Variants in MKI67 observed in about 807,000 individuals in gnomAD.
MKI67 encodes proliferation marker protein Ki-67.
Under a neutral mutation model 233.5 loss-of-function variants are expected in MKI67, and 152 were observed. That is an observed-to-expected ratio of 0.65 (90% CI 0.57 to 0.74). The LOEUF (loss-of-function observed/expected upper bound fraction) is 0.74. Among genes scored for constraint, MKI67 ranks in the 30% least tolerant of loss-of-function variants. The probability of loss-of-function intolerance (pLI) is 0.00; values close to 1 mark genes in which losing one functional copy is unlikely to be tolerated. For synonymous variants in MKI67, 1,465 were observed against 1,418.5 expected (o/e 1.03, Z -0.74); for missense variants, 3,940 against 3,885.2 (o/e 1.01, Z -0.37).
In MKI67 at chr10:128,115,143, G is replaced by A. The variant is rs1314926641; in HGVS notation, c.1265C>T (p.Thr422Ile). The part of the protein sequence containing the change: ...ATKPENLSSK[T>I]RGSIPTDVEV... ...CACATCTGTAGGAATACTTCCTCTG[G>A]TTTTGGAAGAGAGATTTTCTGGCTT... Residue 422 changes from threonine (T) to isoleucine (I), a missense_variant, in exon 7 of 15, where the codon ACC (threonine) becomes ATC (isoleucine). Coordinates refer to ENST00000368654, the MANE Select transcript of MKI67 (RefSeq NM_002417.5). 6.2e-6 allele frequency: 10 copies of A among 1,614,204 alleles called. No individual in the cohort carries two copies. The highest frequency in any genetic ancestry group is 8.5e-6 in the Non-Finnish European group (10 of 1,180,046).
chr10:128,119,309 C>G lies in MKI67; in HGVS notation c.298G>C (p.Glu100Gln). ...IIDRSFRYEN[E>Q]SLQNGRKSTE... Reference sequence around the variant, plus strand: ...GACTTCCTTCCATTCTGAAGACTTTCATTTTCATACCTGCAGTTTATAGAA... The same window carrying G: ...GACTTCCTTCCATTCTGAAGACTTTGATTTTCATACCTGCAGTTTATAGAA... The change falls in exon 5 of 15, where the codon GAA (glutamate) becomes CAA (glutamine). Residue 100 changes from glutamate to glutamine, a missense_variant. Glu to Gln is a conservative substitution (Grantham distance 29). Transcript: ENST00000368654. The G allele has an allele frequency of 6.2e-7, 1 of 1,602,750 alleles. No individual in the cohort carries two copies. The highest frequency in any genetic ancestry group is 8.5e-7 in the Non-Finnish European group (1 of 1,170,112).
Position 128,107,568 on chromosome 10 carries a change from T to C in MKI67, c.4272A>G (p.Pro1424=), listed in dbSNP as rs761349189. 1 of 1,614,146 alleles carries C rather than the reference T, an allele frequency of 6.2e-7. No homozygotes were observed. The highest frequency in any genetic ancestry group is 8.5e-7 in the Non-Finnish European group (1 of 1,180,026). ...CGTTGATGCTTTTATCCTCACCTCC[T>C]GGTACTTTATCTGTGTGTGTGGTTT... ...SGETTHTDKV[P]GGEDKSINAF... is the part of the protein sequence containing the mutation. Residue 1424 remains proline (P), a synonymous_variant, in exon 13 of 15, where the codon CCA becomes CCG. Coordinates refer to ENST00000368654, the MANE Select transcript of MKI67 (RefSeq NM_002417.5).
Position 128,102,718 on chromosome 10 carries a change from G to T in MKI67, c.9122C>A (p.Ser3041Ter). Residue 3041 changes from serine (S) to a stop codon, truncating the protein, a stop_gained, in exon 13 of 15, where the codon TCA becomes TAA. Coordinates refer to ENST00000368654, the MANE Select transcript of MKI67 (RefSeq NM_002417.5). LOFTEE classifies it high-confidence loss of function. ...CTTCATGATGACCACGGGTTCGGAT[G>T]ATTTGCCTCTTGCCCTGGGAGCAAC... ...QRVAPRARGK[S>*]SEPVVIMKRS... is the part of the protein sequence containing the mutation. 6.2e-7 allele frequency: 1 copy of T among 1,614,186 alleles called. No individual in the cohort carries two copies. The highest frequency in any genetic ancestry group is 8.5e-7 in the Non-Finnish European group (1 of 1,180,030).
At chr10:128,119,891 C>G (rs867465106) in intron 4 of MKI67, among the ~76,000 whole-genome samples, 2 of 152,166 alleles carry the variant, frequency 1.3e-5, no homozygotes, top group African/African-American at 4.8e-5. Flanking sequence ...TCACCTTTAG[C>G]AAGATACATA....
rs775105657 is a variant in MKI67 at position 128,125,551 on chromosome 10, G to A, written c.92+25C>T. 5.0e-6 allele frequency: 8 copies of A among 1,597,646 alleles called. No individual in the cohort carries two copies. In the East Asian group the frequency reaches 6.7e-5, roughly 13 times the overall value. ...TATTTTCCTCTTTCTCAGCTAAAACGTCCGCGCGCGCCCGCGGGGCTCACC... is the reference window on the plus strand; with the variant it reads ...TATTTTCCTCTTTCTCAGCTAAAACATCCGCGCGCGCCCGCGGGGCTCACC... On this transcript the variant is annotated intron_variant, in intron 2 of 14. Coordinates refer to ENST00000368654, the MANE Select transcript of MKI67 (RefSeq NM_002417.5). This position sits in a 1 kb window ranked among gnomAD's most constrained non-coding sequence, Gnocchi z 5.3.
intron 11 of MKI67, 168 bp downstream of exon 11, chr10:128,111,477 G>C: frequency 1.6e-6 from 1 of 632,576 alleles, no homozygotes; most frequent in Non-Finnish European, 2.6e-6. Flanking sequence ...GTCTTTGCAA[G>C]CCAAAACAGC....
intron 4 of MKI67, among the ~76,000 whole-genome samples, chr10:128,121,317 AGTGT>A (rs1243051054): frequency 1.4e-5 from 2 of 147,760 alleles, no homozygotes; most frequent in East Asian, 1.9e-4. Flanking sequence ...ATCTAACGGG[AGTGT>A]GTGTATCTGT....
Position 128,123,840 on chromosome 10 carries a change from A to T in MKI67, c.93-671T>A, listed in dbSNP as rs114026729. On this transcript the variant is annotated intron_variant, in intron 2 of 14. Transcript: ENST00000368654. Reference sequence around the variant, plus strand: ...AAATCTAAATTCAACTTGTTTTTCCACAGAAAGCTAACACCATGGCAAAGT... The same window carrying T: ...AAATCTAAATTCAACTTGTTTTTCCTCAGAAAGCTAACACCATGGCAAAGT... Among the ~76,000 whole-genome samples, 462 of 152,340 alleles carry T rather than the reference A, an allele frequency of 3.0e-3. 5 individuals carry two copies. Among genetic ancestry groups the T allele is most frequent in the African/African-American group, 0.01 (432 of 41,582 alleles).
At chr10:128,123,228 A>G (rs1406200953) in intron 2 of MKI67, 59 bp from the exon 3 acceptor site, 8 of 1,153,578 alleles carry the variant, frequency 6.9e-6, no homozygotes, top group Non-Finnish European at 9.2e-6. Context: ...GATTACCTCA[A>G]TTTCCCAAAA....
rs771213203 is a variant in MKI67, at chr10:128,102,944, G to A, written c.8896C>T (p.Pro2966Ser). The stretch of plus-strand genomic sequence containing the variant: ...ACGTCTCCCACGGGTTCTACTTTAG[G>A]GGCCCGAAGAACTCTTCTGGATATT... The part of the protein sequence containing the change: ...LKISRRVLRA[P>S]KVEPVGDVVS... Residue 2966 changes from proline to serine, a missense_variant, in exon 13 of 15, where the codon CCT becomes TCT. Pro to Ser is a moderately conservative substitution (Grantham distance 74, BLOSUM62 -1). Transcript: ENST00000368654. The A allele has an allele frequency of 8.1e-6, 13 of 1,614,088 alleles. No homozygotes were observed. Among genetic ancestry groups the A allele is most frequent in the Non-Finnish European group, 1.0e-5 (12 of 1,180,048 alleles).
intron 7 of MKI67, among the ~76,000 whole-genome samples, chr10:128,113,959 G>A (rs756565987): frequency 1.3e-5 from 2 of 152,148 alleles, no homozygotes; most frequent in Non-Finnish European, 2.9e-5. Context: ...GTCTCAGCCT[G>A]AGCCACCCAG....
intron 4 of MKI67, among the ~76,000 whole-genome samples, chr10:128,120,664 T>C (rs1852916725): frequency 6.6e-6 from 1 of 152,072 alleles, no homozygotes; most frequent in African/African-American, 2.4e-5. Context: ...CTAATACAAA[T>C]GAAGACAATA....
In MKI67 at chr10:128,106,435, G is replaced by T. The variant is rs760694353; in HGVS notation, c.5405C>A (p.Pro1802Gln). The change falls in exon 13 of 15, where the codon CCA (proline) becomes CAA (glutamine). Residue 1802 changes from proline (P) to glutamine (Q), a missense_variant. Pro to Gln is a moderately conservative substitution (Grantham distance 76, BLOSUM62 -1). Coordinates refer to ENST00000368654, the MANE Select transcript of MKI67 (RefSeq NM_002417.5). ...TCCTGGCTGGTCCAGTTTCTGCACT[G>T]GAGTTCCCAAAAACGTGTTGATGTC... ...EKDINTFLGTPVQKLDQPGNL... is the reference protein window; with the variant it reads ...EKDINTFLGTQVQKLDQPGNL... 1.9e-6 allele frequency: 3 copies of T among 1,613,122 alleles called. No individual in the cohort carries two copies. In the East Asian group the frequency reaches 6.7e-5, roughly 36 times the overall value.
In MKI67 at chr10:128,107,510, G is replaced by A. The variant is rs150235556; in HGVS notation, c.4330C>T (p.Pro1444Ser). Reference protein sequence around the residue: ...FRETAKQKLDPAASVTGSKRH... With the variant: ...FRETAKQKLDSAASVTGSKRH... ...TTGCTACCAGTTACACTTGCTGCTG[G>A]GTCCAGTTTCTGTTTTGCAGTTTCC... Residue 1444 changes from proline (P) to serine (S), a missense_variant, in exon 13 of 15, where the codon CCA becomes TCA. Coordinates refer to ENST00000368654, the MANE Select transcript of MKI67 (RefSeq NM_002417.5). 6,362 of 1,614,002 alleles carry A rather than the reference G, an allele frequency of 3.9e-3. 80 individuals are homozygous for A. Among genetic ancestry groups the A allele is most frequent in the South Asian group, 0.025 (2,268 of 91,080 alleles).
In MKI67 at chr10:128,117,942, C is replaced by A. The variant is rs115333677; in HGVS notation, c.354+1311G>T. 4.1e-3 allele frequency among the ~76,000 whole-genome samples: 627 copies of A among 152,312 alleles called. 6 individuals carry two copies. The highest frequency in any genetic ancestry group is 0.014 in the African/African-American group (597 of 41,560). ...GACTGCTGAGTGGCACATATCTAAC[C>A]CACAGTTCAACTGGCTTTTTGGTTT... On this transcript the variant is annotated intron_variant, in intron 5 of 14. Coordinates refer to ENST00000368654, the MANE Select transcript of MKI67 (RefSeq NM_002417.5).
At position 128,101,489 on chromosome 10, in the gene MKI67, A is replaced by G. The variant is rs1852332733; in HGVS notation, c.9474T>C (p.Ser3158=). 4.3e-6 allele frequency: 7 copies of G among 1,614,198 alleles called. No homozygotes were observed. Among genetic ancestry groups the G allele is most frequent in the Non-Finnish European group, 5.1e-6 (6 of 1,180,032 alleles). ...KVTENKRCLR[S]ARQNESSQPK... The stretch of plus-strand genomic sequence containing the variant: ...GCTGGGAGCTCTCATTCTGTCTAGC[A>G]GACCTCAAGCACCTTTTGTTCTCAG... Residue 3158 remains serine (S), a synonymous_variant, in exon 14 of 15, where the codon TCT becomes TCC. Transcript: ENST00000368654.
chr10:128,108,537 G>T lies in MKI67; in HGVS notation c.3303C>A (p.Asp1101Glu), dbSNP rs535219698. The change falls in exon 13 of 15, where the codon GAC becomes GAA. Residue 1101 changes from aspartate to glutamate, a missense_variant. Transcript: ENST00000368654. ...TPKEEAQSLE[D>E]LAGFKELFQT... is the part of the protein sequence containing the mutation. Reference sequence around the variant, plus strand: ...GGAAGAGCTCTTTGAAGCCAGCCAGGTCTTCTAGTGACTGGGCCTCTTCCT... The same window carrying T: ...GGAAGAGCTCTTTGAAGCCAGCCAGTTCTTCTAGTGACTGGGCCTCTTCCT... 6.2e-7 allele frequency: 1 copy of T among 1,614,196 alleles called. No individual in the cohort carries two copies. The highest frequency in any genetic ancestry group is 1.3e-5 in the African/African-American group (1 of 75,034).
rs1338486981 is a variant in MKI67 at position 128,110,515 on chromosome 10, T to C, written c.2279A>G (p.Lys760Arg). Residue 760 changes from lysine to arginine, a missense_variant, in exon 12 of 15, where the codon AAG (lysine) becomes AGG (arginine). Lys to Arg is a conservative substitution (Grantham distance 26). Transcript: ENST00000368654. The part of the protein sequence containing the change: ...EDLSGIAEMF[K>R]TPVKEQPQLT... ...CTGCGGTTGCTCCTTCACTGGGGTC[T>C]TGAACATTTCAGCTATTCCTGTTAA... The C allele has an allele frequency of 6.4e-7, 1 of 1,553,380 alleles. No homozygotes were observed. The highest frequency in any genetic ancestry group is 1.7e-5 in the Admixed American group (1 of 58,352).
rs558574754 is a variant in MKI67 at position 128,121,266 on chromosome 10, GAAT to G, written c.287+1612_287+1614del. On this transcript the variant is annotated intron_variant, in intron 4 of 14. Transcript: ENST00000368654. Reference sequence around the variant, plus strand: ...GTAGGTGATTTGAACATATCTCTTAGAATAATAGTAGGGGAAAATTTACTAAGA... The same window carrying G: ...GTAGGTGATTTGAACATATCTCTTAGAATAGTAGGGGAAAATTTACTAAGA... Among the ~76,000 whole-genome samples, 23 of 150,188 alleles carry G rather than the reference GAAT, an allele frequency of 1.5e-4. No individual in the cohort carries two copies. In the East Asian group the frequency reaches 3.9e-3, roughly 25 times the overall value.
Sources: allele counts gnomAD v4.1 joint callset (sites outside exome capture counted in the v4.1 genomes callset), GRCh38; gene constraint gnomAD v4.1.1; non-coding constraint Gnocchi (gnomAD v3.1); transcripts MANE v1.5; gene names NCBI Gene and HGNC (gene_info 2026-07-23, HGNC 2026-07-21).